NRXN3: variants seen among roughly 807,000 people sequenced by gnomAD.
NRXN3 encodes the protein neurexin III.
In NRXN3, 32 loss-of-function variants were observed where a neutral mutation model predicts 137.6. The observed-to-expected ratio is 0.23, with a 90% CI of 0.18 to 0.31. The LOEUF (loss-of-function observed/expected upper bound fraction) is 0.31. NRXN3 is among the 10% of genes least tolerant of loss of function. The pLI, the probability that NRXN3 is intolerant of heterozygous loss-of-function variation, is 1.00. For synonymous variants in NRXN3, 798 were observed against 784.5 expected (o/e 1.02, Z -0.29); for missense variants, 1,574 against 2,062.5 (o/e 0.76, Z 4.59).
chr14:79,069,687 A>G (rs2099685105), intron 15 of NRXN3, among the ~76,000 whole-genome samples: 1 of 152,106 alleles, frequency 6.6e-6, no homozygotes, highest in Admixed American at 6.6e-5. Flanking sequence ...TTGAAGTGAC[A>G]TTTGAGTCTC....
In NRXN3 at chr14:79,175,074, G is replaced by A. The variant is rs1303450752; in HGVS notation, c.3262+186933G>A. On this transcript the variant is annotated intron_variant, in intron 15 of 20. Transcript: ENST00000335750. Reference sequence around the variant, plus strand: ...CGGCTCACTGCAAGCTCCGTCTCCCGGGTTCACGCCATTCTCCTGCCTCAG... The same window carrying A: ...CGGCTCACTGCAAGCTCCGTCTCCCAGGTTCACGCCATTCTCCTGCCTCAG... Among the ~76,000 whole-genome samples, 12 of 150,570 alleles carry A rather than the reference G, an allele frequency of 8.0e-5. No homozygotes were observed. The East Asian group carries it at 2.0e-3, about 25-fold the overall frequency.
chr14:78,767,117 A>G (rs1186957723), intron 8 of NRXN3, among the ~76,000 whole-genome samples: 1 of 152,306 alleles, frequency 6.6e-6, no homozygotes, highest in Admixed American at 6.5e-5. Flanking sequence ...AAAACTGCAC[A>G]AAGATGCAAT....
At chr14:79,261,605 G>A (rs1387720737) in intron 15 of NRXN3, among the ~76,000 whole-genome samples, 1 of 112,636 alleles carries the variant, frequency 8.9e-6, no homozygotes, top group African/African-American at 3.7e-5. Flanking sequence ...AAGGTGCTGT[G>A]TGTGTGTGTG....
chr14:79,819,210 TATA>T (rs1475306173), intron 20 of NRXN3, among the ~76,000 whole-genome samples: 1 of 152,160 alleles, frequency 6.6e-6, no homozygotes, highest in African/African-American at 2.4e-5. Flanking sequence ...AATCAGCTCT[TATA>T]ATGACACATA....
At chr14:78,526,862 C>T (rs116261690) in intron 4 of NRXN3, 285 of 463,314 alleles carry the variant, frequency 6.2e-4, no homozygotes, top group African/African-American at 5.0e-3. Flanking sequence ...ATCCAAGTCA[C>T]CCAGAAATAC....
chr14:79,596,767 T>C (rs1002589742), intron 16 of NRXN3, among the ~76,000 whole-genome samples: 2 of 152,086 alleles, frequency 1.3e-5, no homozygotes, highest in African/African-American at 4.8e-5. Flanking sequence ...GGTTGGAATG[T>C]TTCTGGACTG....
chr14:79,679,064 T>C (rs1555624555), intron 17 of NRXN3, among the ~76,000 whole-genome samples: 7 of 152,006 alleles, frequency 4.6e-5, no homozygotes, highest in Non-Finnish European at 5.9e-5. Context: ...ATTTTTTTTT[T>C]CATTCACATC....
rs1000796251 is a variant in NRXN3, at chr14:79,607,797, G to A, written c.3445-55981G>A. Among the ~76,000 whole-genome samples, 68 of 150,764 alleles carry A rather than the reference G, an allele frequency of 4.5e-4. 2 individuals are homozygous for A. The highest frequency in any genetic ancestry group is 2.0e-4 in the Admixed American group (3 of 15,048). On this transcript the variant is annotated intron_variant, in intron 16 of 20. Coordinates refer to ENST00000335750, the MANE Select transcript of NRXN3 (RefSeq NM_001330195.2). ...GGGCTCAAGCCAACCTCCCACCTTAGCCTCCTGAGTAGCTGGAACTACAGG... is the reference window on the plus strand; with the variant it reads ...GGGCTCAAGCCAACCTCCCACCTTAACCTCCTGAGTAGCTGGAACTACAGG...
intron 4 of NRXN3, among the ~76,000 whole-genome samples, chr14:78,303,473 A>C (rs2077067582): frequency 6.6e-6 from 1 of 152,186 alleles, no homozygotes; most frequent in African/African-American, 2.4e-5. Flanking sequence ...GCTGTCATTT[A>C]TCTTCCTAAA....
At chr14:78,759,729 C>A (rs1227438697) in intron 8 of NRXN3, among the ~76,000 whole-genome samples, 1 of 152,170 alleles carries the variant, frequency 6.6e-6, no homozygotes, top group East Asian at 1.9e-4. Flanking sequence ...GCAAAAAATT[C>A]CTGGCTGAGG....
chr14:79,782,363 G>C (rs756594545), intron 19 of NRXN3, among the ~76,000 whole-genome samples: 3 of 152,134 alleles, frequency 2.0e-5, no homozygotes, highest in Non-Finnish European at 2.9e-5. Context: ...GCTTGGTTCT[G>C]TCTTTGTCAC....
At chr14:79,709,305 C>A (rs1428236117) in intron 19 of NRXN3, among the ~76,000 whole-genome samples, 2 of 152,094 alleles carry the variant, frequency 1.3e-5, no homozygotes, top group African/African-American at 2.4e-5. Flanking sequence ...TAGCTCAGTT[C>A]TCTTCAAGAC....
At chr14:78,311,863 A>G (rs2078019161) in intron 4 of NRXN3, among the ~76,000 whole-genome samples, 1 of 152,176 alleles carries the variant, frequency 6.6e-6, no homozygotes, top group African/African-American at 2.4e-5. Flanking sequence ...GCTTCCTCAA[A>G]TCTTAGAAGC....
chr14:78,847,247 C>T (rs1220208325), intron 10 of NRXN3, among the ~76,000 whole-genome samples: 1 of 152,036 alleles, frequency 6.6e-6, no homozygotes, highest in Non-Finnish European at 1.5e-5. Context: ...AAGGTGACAG[C>T]CTTTAGTCCT....
intron 15 of NRXN3, among the ~76,000 whole-genome samples, chr14:79,206,069 TTCTG>T (rs1368372363): frequency 6.6e-6 from 1 of 152,202 alleles, no homozygotes; most frequent in Non-Finnish European, 1.5e-5. Flanking sequence ...TCATTCATTT[TTCTG>T]TCTGTTTTTG....
chr14:78,486,994 A>G (rs1250811952), intron 4 of NRXN3, among the ~76,000 whole-genome samples: 1 of 152,192 alleles, frequency 6.6e-6, no homozygotes, highest in African/African-American at 2.4e-5. Context: ...ATAAGAATCA[A>G]GAGGTGCCCA....
At chr14:79,086,308 G>A (rs991760838) in intron 15 of NRXN3, among the ~76,000 whole-genome samples, 3 of 152,118 alleles carry the variant, frequency 2.0e-5, no homozygotes, top group Non-Finnish European at 2.9e-5. Flanking sequence ...GCAGAGGTAG[G>A]AAGGAAACCC....
chr14:79,443,615 A>G (rs1284635634), intron 15 of NRXN3, among the ~76,000 whole-genome samples: 1 of 152,212 alleles, frequency 6.6e-6, no homozygotes, highest in African/African-American at 2.4e-5. Context: ...GAGGTAAACC[A>G]ATAGGCTCAC....
chr14:79,512,284 TA>T (rs2096939477), intron 16 of NRXN3, among the ~76,000 whole-genome samples: 1 of 152,190 alleles, frequency 6.6e-6, no homozygotes, highest in African/African-American at 2.4e-5. Context: ...TTTGACTGTT[TA>T]GAGAAATTAT....
Sources: gnomAD v4.1 joint callset for allele counts (sites outside exome capture counted in the v4.1 genomes callset) on GRCh38, gnomAD v4.1.1 for gene constraint, MANE v1.5 for transcripts, NCBI Gene and HGNC (gene_info 2026-07-23, HGNC 2026-07-21) for gene names.